The following C1R variants were observed in gnomAD, a reference collection of about 807,000 sequenced individuals.
C1R encodes complement C1r.
A neutral mutation model predicts 27.6 loss-of-function variants in C1R; 15 were observed. The observed-to-expected ratio is 0.54, with a 90% CI of 0.36 to 0.84. The LOEUF is 0.84. Ranked by LOEUF, C1R falls within the 40% of genes least tolerant of loss-of-function variation. The pLI, the probability that C1R is intolerant of heterozygous loss-of-function variation, is 0.01. For synonymous variants in C1R, 253 were observed against 228.8 expected, an observed-to-expected ratio of 1.11 and a Z score of -0.95; for missense variants, 544 against 577.9, an observed-to-expected ratio of 0.94 and a Z score of 0.60.
Position 7,080,795 on chromosome 12 carries a change from C to T in C1R, c.1855G>A (p.Ala619Thr), listed in dbSNP as rs760611749. Reference protein sequence around the residue: ...FVRLPVANPQACENWLRGKNR... With the variant: ...FVRLPVANPQTCENWLRGKNR... Reference sequence around the variant, plus strand: ...TTTCCCCGGAGCCAGTTCTCACAGGCCTGTGGATTAGCTACGGGCAGACGG... The same window carrying T: ...TTTCCCCGGAGCCAGTTCTCACAGGTCTGTGGATTAGCTACGGGCAGACGG... The change falls in exon 11 of 11, where the codon GCC (alanine) becomes ACC (threonine). Residue 619 changes from alanine (A) to threonine (T), a missense_variant. This residue lies in a region of C1R where 253 missense variants were observed against 368.9 expected (regional missense o/e 0.69). Coordinates refer to ENST00000647956, the MANE Select transcript of C1R (RefSeq NM_001733.7). The surrounding 1 kb of genome is among the most constrained non-coding windows in gnomAD (Gnocchi z 4.9). 14 of 1,613,820 alleles carry T rather than the reference C, an allele frequency of 8.7e-6. No homozygotes were observed. The Admixed American group carries it at 1.8e-4, about 21-fold the overall frequency.
intron 5 of C1R, 126 bp from the exon 6 acceptor site, chr12:7,089,112 G>A (rs183602112): frequency 3.2e-6 from 2 of 629,538 alleles, no homozygotes; most frequent in Admixed American, 5.1e-5. Flanking sequence ...TGTTTTCAGG[G>A]GAAGGTGAAA....
chr12:7,085,487 A>C (rs1275288425), intron 9 of C1R, among the ~76,000 whole-genome samples: 1 of 151,372 alleles, frequency 6.6e-6, no homozygotes, highest in Non-Finnish European at 1.5e-5. Context: ...AACAGTGTTG[A>C]TTGTGGTGAT....
intron 8 of C1R, 99 bp downstream of exon 8, chr12:7,086,280 G>T: frequency 2.5e-6 from 1 of 397,860 alleles, no homozygotes; most frequent in African/African-American, 2.1e-5. Flanking sequence ...GGGTCTCTTG[G>T]AAAGAGGCTT....
intron 9 of C1R, among the ~76,000 whole-genome samples, chr12:7,083,224 G>T (rs1185929256): frequency 1.3e-5 from 2 of 152,028 alleles, no homozygotes; most frequent in African/African-American, 4.8e-5. Context: ...TGGTGGTGAT[G>T]GTGTTGTTAA....
chr12:7,085,301 A>ATGG (rs1938133892), intron 9 of C1R, among the ~76,000 whole-genome samples: 1 of 129,760 alleles, frequency 7.7e-6, no homozygotes, highest in Non-Finnish European at 1.6e-5. Flanking sequence ...GATAGTGGTG[A>ATGG]TGGTGGTGAT....
intron 10 of C1R, among the ~76,000 whole-genome samples, 190 bp downstream of exon 10, chr12:7,081,842 C>T (rs1399827866): frequency 2.0e-5 from 3 of 152,116 alleles, no homozygotes; most frequent in African/African-American, 7.2e-5. Context: ...GTTTTTATTC[C>T]CTGATTTCCC....
At chr12:7,086,252 A>C (rs1938154406) in intron 8 of C1R, 127 bp downstream of exon 8, 1 of 397,616 alleles carries the variant, frequency 2.5e-6, no homozygotes, top group Non-Finnish European at 4.4e-6. Flanking sequence ...ATAGGCATCA[A>C]AGGACAAGTC....
chr12:7,088,869 G>A lies in C1R; in HGVS notation c.886C>T (p.Arg296Trp), dbSNP rs199616346. ...GTGGTGTAGCGCAGCTTCCAGCCCC[G>A]GCTGTCCCCCGACTCATCTGTGAAG... is the stretch of plus-strand genomic sequence containing the variant. ...LFFTDESGDS[R>W]GWKLRYTTEI... Residue 296 changes from arginine to tryptophan, a missense_variant, in exon 6 of 11, where the codon CGG becomes TGG. Physicochemically the swap from Arg to Trp is moderately radical, Grantham distance 101. Coordinates refer to ENST00000647956, the MANE Select transcript of C1R (RefSeq NM_001733.7). 1.8e-5 allele frequency: 14 copies of A among 776,002 alleles called. No homozygotes were observed. The highest frequency in any genetic ancestry group is 4.1e-5 in the South Asian group (3 of 73,634). 48.1% of individuals were successfully genotyped at this position (776,002 alleles called of 1,614,324 possible).
Position 7,092,247 on chromosome 12 carries a change from T to G in C1R, c.2+140A>C. On this transcript the variant is annotated intron_variant, in intron 1 of 10. Coordinates refer to ENST00000647956, the MANE Select transcript of C1R (RefSeq NM_001733.7). ...GAGGAGGGATGGGGCGTGTGTTGTG[T>G]GTGTCCACGCGTGTGCACAGTGGAA... 4.1e-6 allele frequency: 3 copies of G among 725,348 alleles called. No individual in the cohort carries two copies. The South Asian group carries it at 4.4e-5, about 11-fold the overall frequency. 44.9% of individuals were successfully genotyped at this position (725,348 alleles called of 1,614,324 possible). A position where few individuals can be genotyped will look rare whatever the true frequency, so the allele number is the denominator to read the frequency against.
chr12:7,090,089 A>G lies in C1R; in HGVS notation c.391T>C (p.Tyr131His), dbSNP rs1278295523. 2 of 777,864 alleles carry G rather than the reference A, an allele frequency of 2.6e-6. No homozygotes were observed. Among genetic ancestry groups the G allele is most frequent in the Admixed American group, 3.4e-5 (2 of 58,576 alleles). 48.2% of individuals were successfully genotyped at this position (777,864 alleles called of 1,614,324 possible). A position where few individuals can be genotyped will look rare whatever the true frequency, so the allele number is the denominator to read the frequency against. ...SNEENGTIMF[Y>H]KGFLAYYQAV... ...TGGTAGTAGGCCAGGAAGCCCTTGTAGAACATGATGGTCCCATTCTCCTCG... is the reference window on the plus strand; with the variant it reads ...TGGTAGTAGGCCAGGAAGCCCTTGTGGAACATGATGGTCCCATTCTCCTCG... The change falls in exon 3 of 11, where the codon TAC (tyrosine) becomes CAC (histidine). Residue 131 changes from tyrosine (Y) to histidine (H), a missense_variant. Physicochemically the swap from Tyr to His is moderately conservative, Grantham distance 83. Around this residue, in one of 2 missense-constraint regions of C1R, gnomAD observed 291 missense variants for 209.0 expected, o/e 1.39. Coordinates refer to ENST00000647956, the MANE Select transcript of C1R (RefSeq NM_001733.7).
At position 7,090,170 on chromosome 12, in the gene C1R, C is replaced by G. The variant is rs747201064; in HGVS notation, c.310G>C (p.Glu104Gln). The stretch of plus-strand genomic sequence containing the variant: ...ATCTTGTTCCCTTGGGACATAAATT[C>G]CTTCTTTCCCGGGGGGTTGCCCAGT... ...SPLGNPPGKK[E>Q]FMSQGNKMLL... The change falls in exon 3 of 11, where the codon GAA becomes CAA. Residue 104 changes from glutamate to glutamine, a missense_variant. Physicochemically the swap from Glu to Gln is conservative, Grantham distance 29 (BLOSUM62 2). Around this residue, in one of 2 missense-constraint regions of C1R, gnomAD observed 291 missense variants for 209.0 expected, o/e 1.39. Coordinates refer to ENST00000647956, the MANE Select transcript of C1R (RefSeq NM_001733.7). The G allele has an allele frequency of 4.7e-5, 36 of 764,660 alleles. No homozygotes were observed. The South Asian group carries it at 5.0e-4, about 11-fold the overall frequency. 47.4% of individuals were successfully genotyped at this position (764,660 alleles called of 1,614,324 possible).
intron 9 of C1R, among the ~76,000 whole-genome samples, chr12:7,083,222 ATGGTGTTGTTAATGG>A (rs1388911547): frequency 1.3e-5 from 2 of 150,294 alleles, no homozygotes; most frequent in African/African-American, 4.9e-5. Context: ...GTTGGTGGTG[ATGGTGTTGTTAATGG>A]TGGTGTTGTT....
intron 7 of C1R, 77 bp from the exon 8 acceptor site, chr12:7,086,534 G>A (rs1400965017): frequency 5.0e-6 from 2 of 397,638 alleles, no homozygotes; most frequent in Non-Finnish European, 8.9e-6. Flanking sequence ...CCACACAGGA[G>A]TGGGAGGCAA....
Position 7,091,803 on chromosome 12 carries a change from A to T in C1R, c.3-123T>A, listed in dbSNP as rs899361502. 3 of 709,886 alleles carry T rather than the reference A, an allele frequency of 4.2e-6. No homozygotes were observed. Among genetic ancestry groups the T allele is most frequent in the African/African-American group, 1.7e-5 (1 of 57,252 alleles). The allele number at this position is 709,886 out of a possible 1,614,324, so 44.0% of individuals were successfully genotyped here. ...GGCATTCTCCTCTCTGCCCACCCTG[A>T]ACCTCACAGACATGTTCTCAGCAGG... On this transcript the variant is annotated intron_variant, in intron 1 of 10. Transcript: ENST00000647956. The surrounding 1 kb of genome is among the most constrained non-coding windows in gnomAD (Gnocchi z 5.1).
At chr12:7,083,628 T>C (rs1172418525) in intron 9 of C1R, among the ~76,000 whole-genome samples, 2 of 115,544 alleles carry the variant, frequency 1.7e-5, no homozygotes, top group Admixed American at 9.6e-5. Context: ...GTGGTCATAG[T>C]GGGGATGATG....
Position 7,082,137 on chromosome 12 carries a change from G to A in C1R, c.1274-31C>T, listed in dbSNP as rs767514366. ...GGCAGAGGAGGCAAGAATCAAGTTG[G>A]GGGGTGATGGGTAAGAAAACTAGGT... On this transcript the variant is annotated intron_variant, in intron 9 of 10. Transcript: ENST00000647956. 1.7e-4 allele frequency: 218 copies of A among 1,273,074 alleles called. 2 individuals carry two copies. Among genetic ancestry groups the A allele is most frequent in the Middle Eastern group, 1.8e-4 (1 of 5,532 alleles). The allele number at this position is 1,273,074 out of a possible 1,614,324, so 78.9% of individuals were successfully genotyped here.
chr12:7,080,437 T>C lies in C1R; in HGVS notation c.*95A>G. ...GGTCTTTCTGCATCAGTAATTTTAA[T>C]AGAGACTCTTAGTGGTTATCAACAA... On this transcript the variant is annotated 3_prime_UTR_variant, in exon 11 of 11. Transcript: ENST00000647956. The surrounding 1 kb of genome is among the most constrained non-coding windows in gnomAD (Gnocchi z 4.9). The C allele has an allele frequency of 1.3e-6, 2 of 1,482,014 alleles. No individual in the cohort carries two copies. Among genetic ancestry groups the C allele is most frequent in the South Asian group, 1.5e-5 (1 of 65,880 alleles). The allele number at this position is 1,482,014 out of a possible 1,614,324, so 91.8% of individuals were successfully genotyped here. A position where few individuals can be genotyped will look rare whatever the true frequency, so the allele number is the denominator to read the frequency against.
At position 7,080,722 on chromosome 12, in the gene C1R, G is replaced by A. The variant is rs1177021408; in HGVS notation, c.1928C>T (p.Pro643Leu). ...CTGGCAGGCGTCCTGCTTTAGAGAT[G>A]GGTGTCCAGCACAGAACATGTTTTG... ...FSQNMFCAGH[P>L]SLKQDACQGD... The change falls in exon 11 of 11, where the codon CCA becomes CTA. Residue 643 changes from proline to leucine, a missense_variant. Around this residue, in one of 2 missense-constraint regions of C1R, gnomAD observed 253 missense variants for 368.9 expected, o/e 0.69. Transcript: ENST00000647956. The surrounding 1 kb of genome is among the most constrained non-coding windows in gnomAD (Gnocchi z 4.9). 4.3e-6 allele frequency: 7 copies of A among 1,613,934 alleles called. No individual in the cohort carries two copies. Among genetic ancestry groups the A allele is most frequent in the South Asian group, 1.1e-5 (1 of 91,080 alleles).
chr12:7,087,469 C>T (rs1236733654), intron 7 of C1R: 2 of 154,346 alleles, frequency 1.3e-5, no homozygotes, highest in African/African-American at 2.4e-5. Flanking sequence ...AGAACTAGAA[C>T]GTCTGAGTAA....
Sources: gnomAD v4.1 joint callset for allele counts (sites outside exome capture counted in the v4.1 genomes callset) on GRCh38, gnomAD v4.1.1 for gene constraint, gnomAD v4.1.1 regional missense constraint, Gnocchi (gnomAD v3.1) non-coding constraint, MANE v1.5 for transcripts, NCBI Gene and HGNC (gene_info 2026-07-23, HGNC 2026-07-21) for gene names.